The following RALGPS1 variants were observed in gnomAD, a reference collection of about 807,000 sequenced individuals.
RALGPS1 encodes the protein Ral GEF with PH domain and SH3 binding motif 1.
Under a neutral mutation model 78.8 loss-of-function variants are expected in RALGPS1, and 19 were observed. The observed-to-expected ratio is 0.24, with a 90% CI of 0.17 to 0.35. The LOEUF is 0.35. Ranked by LOEUF, RALGPS1 falls within the 10% of genes least tolerant of loss-of-function variation. RALGPS1 has a pLI of 1.00. For synonymous variants in RALGPS1, 228 were observed against 256.3 expected, an observed-to-expected ratio of 0.89 and a Z score of 1.06; for missense variants, 454 against 688.3, an observed-to-expected ratio of 0.66 and a Z score of 3.81.
chr9:127,203,999 G>A (rs2061792620), intron 14 of RALGPS1, among the ~76,000 whole-genome samples: 2 of 152,150 alleles, frequency 1.3e-5, no homozygotes, highest in Admixed American at 1.3e-4. Flanking sequence ...ACAGTGAAAG[G>A]CACAGCCAGC....
chr9:127,117,642 G>A (rs927718657), intron 8 of RALGPS1, among the ~76,000 whole-genome samples: 2 of 152,250 alleles, frequency 1.3e-5, no homozygotes, highest in Non-Finnish European at 2.9e-5. Flanking sequence ...GAGAGGAATG[G>A]TGTGGCACCC....
chr9:127,082,779 A>C (rs992356112), intron 8 of RALGPS1, among the ~76,000 whole-genome samples: 1 of 152,172 alleles, frequency 6.6e-6, no homozygotes, highest in Non-Finnish European at 1.5e-5. Context: ...AGAGCCATGC[A>C]TACTGCCTGG....
intron 8 of RALGPS1, chr9:127,092,062 C>T: frequency 7.4e-6 from 9 of 1,212,232 alleles, no homozygotes; most frequent in Admixed American, 2.2e-5. Context: ...ATGAAGCAGA[C>T]CTGGTTCAGA....
Position 126,952,656 on chromosome 9 carries a change from A to AGAGAGT in RALGPS1, c.-65-9568_-65-9567insAGAGTG, listed in dbSNP as rs1554763340. ...GAGAGAGAGAGAGAGAGAGAGAGAG[A>AGAGAGT]GTGTGTGTGTGTGTGTGTGTGTGTC... On this transcript the variant is annotated intron_variant, in intron 1 of 18. Transcript: ENST00000259351. Among the ~76,000 whole-genome samples, 527 of 138,880 alleles carry AGAGAGT rather than the reference A, an allele frequency of 3.8e-3. 3 individuals are homozygous for AGAGAGT. The highest frequency in any genetic ancestry group is 0.013 in the African/African-American group (485 of 38,008). 91.1% of individuals were successfully genotyped at this position (138,880 alleles called of 152,430 possible).
intron 7 of RALGPS1, among the ~76,000 whole-genome samples, chr9:127,057,848 CAAG>C (rs1239521003): frequency 6.6e-6 from 1 of 152,134 alleles, no homozygotes; most frequent in Non-Finnish European, 1.5e-5. Context: ...CTGGCTGGCA[CAAG>C]AAGTGATCAA....
chr9:127,115,145 C>T (rs2055266559), intron 8 of RALGPS1, among the ~76,000 whole-genome samples: 1 of 152,166 alleles, frequency 6.6e-6, no homozygotes, highest in Non-Finnish European at 1.5e-5. Flanking sequence ...ACCATACATC[C>T]TGGTTGGCCC....
chr9:127,081,229 A>AT (rs75315707), intron 8 of RALGPS1, among the ~76,000 whole-genome samples: 57,841 of 151,788 alleles, frequency 0.38, 12,715 homozygotes, highest in Non-Finnish European at 0.48. Flanking sequence ...ACAAAATGGC[A>AT]TTTTTTTTTA....
intron 14 of RALGPS1, among the ~76,000 whole-genome samples, chr9:127,209,574 C>T (rs137947309): frequency 3.8e-4 from 58 of 152,122 alleles, no homozygotes; most frequent in Non-Finnish European, 6.8e-4. Flanking sequence ...CAAGCACATG[C>T]TATGGTATAC....
At chr9:126,986,334 T>C (rs1019860074) in intron 4 of RALGPS1, among the ~76,000 whole-genome samples, 18 of 152,308 alleles carry the variant, frequency 1.2e-4, no homozygotes, top group African/African-American at 4.3e-4. Context: ...TAGCATAATA[T>C]CTCACAGCTG....
At chr9:126,935,257 C>T (rs528611290) in intron 1 of RALGPS1, among the ~76,000 whole-genome samples, 6 of 152,316 alleles carry the variant, frequency 3.9e-5, no homozygotes, top group African/African-American at 1.4e-4. Flanking sequence ...AGATCTGTGT[C>T]TTGTTCAATG....
intron 8 of RALGPS1, among the ~76,000 whole-genome samples, chr9:127,104,138 T>G (rs994454896): frequency 6.6e-6 from 1 of 152,180 alleles, no homozygotes; most frequent in Non-Finnish European, 1.5e-5. Context: ...TCTTCTTCAC[T>G]CATTGAGAAA....
intron 8 of RALGPS1, among the ~76,000 whole-genome samples, chr9:127,124,299 A>G (rs1469473407): frequency 6.6e-6 from 1 of 152,234 alleles, no homozygotes; most frequent in Non-Finnish European, 1.5e-5. Flanking sequence ...GCCCCGAGCT[A>G]AGCTGGAGCC....
At chr9:127,107,088 AATG>A (rs2054291755) in intron 8 of RALGPS1, 1 of 152,226 alleles carries the variant, frequency 6.6e-6, no homozygotes, top group Non-Finnish European at 1.5e-5. Flanking sequence ...TTCTTCCAGA[AATG>A]ATGATTCCTA....
Position 127,153,624 on chromosome 9 carries a change from C to G in RALGPS1, c.611-12445C>G, listed in dbSNP as rs1400737321. Reference sequence around the variant, plus strand: ...TGAGCTGGTTCCTAAGCACATCACCCTGTGCCCTTGCAGCTTCCTCTCCCC... The same window carrying G: ...TGAGCTGGTTCCTAAGCACATCACCGTGTGCCCTTGCAGCTTCCTCTCCCC... On this transcript the variant is annotated intron_variant, in intron 8 of 18. Transcript: ENST00000259351. Among the ~76,000 whole-genome samples, 5 of 152,148 alleles carry G rather than the reference C, an allele frequency of 3.3e-5. No individual in the cohort carries two copies. In the East Asian group the frequency reaches 9.6e-4, roughly 29 times the overall value.
At chr9:126,996,467 C>G (rs1476376792) in intron 4 of RALGPS1, among the ~76,000 whole-genome samples, 2 of 152,136 alleles carry the variant, frequency 1.3e-5, no homozygotes, top group Non-Finnish European at 2.9e-5. Flanking sequence ...ATGCATCCTC[C>G]CAAGACTAAA....
At chr9:127,129,456 A>AGTCTGTGGTCTGG (rs2056856166) in intron 8 of RALGPS1, among the ~76,000 whole-genome samples, 1 of 152,086 alleles carries the variant, frequency 6.6e-6, no homozygotes, top group African/African-American at 2.4e-5. Context: ...GGGGATTCCA[A>AGTCTGTGGTCTGG]CCCCCTTACA....
In RALGPS1 at chr9:126,925,899, C is replaced by G. The variant is rs114010905; in HGVS notation, c.-66+10924C>G. Among the ~76,000 whole-genome samples the G allele has an allele frequency of 2.7e-3, 405 of 152,292 alleles. 1 individual carries two copies. The highest frequency in any genetic ancestry group is 9.5e-3 in the African/African-American group (393 of 41,564). On this transcript the variant is annotated intron_variant, in intron 1 of 18. Transcript: ENST00000259351. ...GCAGTTGCATCTGCCATCATCCTAG[C>G]TGGGGAAGGAGCATGGAGGACTCCA...
intron 5 of RALGPS1, among the ~76,000 whole-genome samples, chr9:127,041,165 C>T (rs1369161697): frequency 6.6e-6 from 1 of 151,846 alleles, no homozygotes; most frequent in Non-Finnish European, 1.5e-5. Flanking sequence ...GATCTCAGAT[C>T]ACTGCAACCT....
intron 1 of RALGPS1, among the ~76,000 whole-genome samples, chr9:126,960,656 A>G (rs1046028306): frequency 3.3e-5 from 5 of 152,176 alleles, no homozygotes; most frequent in African/African-American, 1.2e-4. Context: ...CTACCTCCAA[A>G]GACTGGAGCC....
Sources: allele counts gnomAD v4.1 joint callset (sites outside exome capture counted in the v4.1 genomes callset), GRCh38; gene constraint gnomAD v4.1.1; transcripts MANE v1.5; gene names NCBI Gene and HGNC (gene_info 2026-07-23, HGNC 2026-07-21).